HORMAD2: variants seen among roughly 807,000 people sequenced by gnomAD.
HORMAD2 encodes HORMA domain containing 2, also known as HORMA domain-containing protein 2.
A neutral mutation model predicts 38.8 loss-of-function variants in HORMAD2; 45 were observed. That is an observed-to-expected ratio of 1.16 (90% confidence interval 0.91 to 1.49). The LOEUF (loss-of-function observed/expected upper bound fraction) is 1.49, where lower values mean the gene tolerates loss of function less well. Among genes scored for constraint, HORMAD2 ranks in the 40% most tolerant of loss-of-function variants. The probability of loss-of-function intolerance (pLI) is 0.00; values close to 1 mark genes in which losing one functional copy is unlikely to be tolerated. For synonymous variants in HORMAD2, 126 were observed against 122.8 expected (o/e 1.03, Z -0.17); for missense variants, 338 against 367.0 (o/e 0.92, Z 0.65).
At chr22:30,129,785 T>C (rs1482166911) in intron 10 of HORMAD2, among the ~76,000 whole-genome samples, 1 of 152,124 alleles carries the variant, frequency 6.6e-6, no homozygotes, top group African/African-American at 2.4e-5. Context: ...CCTGAGATTA[T>C]AGGCATGTGT....
chr22:30,093,141 A>G (rs1181659985), intron 1 of HORMAD2, among the ~76,000 whole-genome samples: 2 of 152,144 alleles, frequency 1.3e-5, no homozygotes, highest in Non-Finnish European at 2.9e-5. Flanking sequence ...ATGCCTTTCC[A>G]TCTTTTTGTG....
At chr22:30,113,675 T>C (rs1921831709) in intron 7 of HORMAD2, among the ~76,000 whole-genome samples, 1 of 152,228 alleles carries the variant, frequency 6.6e-6, no homozygotes, top group Non-Finnish European at 1.5e-5. Context: ...TTACTCTCTT[T>C]GTCTTTCTCC....
chr22:30,129,217 C>CAAAAAAAAAAAAAAA, intron 10 of HORMAD2, among the ~76,000 whole-genome samples: 1 of 22,650 alleles, frequency 4.4e-5, no homozygotes, highest in East Asian at 2.0e-3. Flanking sequence ...GACTCTATCT[C>CAAAAAAAAAAAAAAA]AAAAAAAAAA....
chr22:30,161,496 A>G (rs1054754207), intron 10 of HORMAD2, among the ~76,000 whole-genome samples: 5 of 152,198 alleles, frequency 3.3e-5, no homozygotes, highest in African/African-American at 7.2e-5. Flanking sequence ...TCCTCTATTC[A>G]TGCCACAAAC....
chr22:30,187,402 CT>C, the HORMAD2 span, among the ~76,000 whole-genome samples: 6 of 152,162 alleles, frequency 3.9e-5, no homozygotes, highest in Middle Eastern at 3.4e-3. Context: ...AACCACCATG[CT>C]TTGCTATGAG....
At chr22:30,166,746 G>T (rs982341258) in intron 10 of HORMAD2, among the ~76,000 whole-genome samples, 1 of 152,194 alleles carries the variant, frequency 6.6e-6, no homozygotes, top group Non-Finnish European at 1.5e-5. Flanking sequence ...AAAATGTAGT[G>T]TGGATATTCA....
chr22:30,206,538 A>G, the HORMAD2 span, among the ~76,000 whole-genome samples: 1 of 152,134 alleles, frequency 6.6e-6, no homozygotes, highest in Non-Finnish European at 1.5e-5. Flanking sequence ...GTTAGGGTGC[A>G]GTGGTGCGAC....
chr22:30,135,621 A>G (rs554684698), intron 10 of HORMAD2, among the ~76,000 whole-genome samples: 1 of 152,256 alleles, frequency 6.6e-6, no homozygotes, highest in Admixed American at 6.5e-5. Flanking sequence ...CAACTTAACA[A>G]TTCCCAGAGC....
intron 2 of HORMAD2, 139 bp from the exon 3 acceptor site, chr22:30,098,713 C>T (rs920233667): frequency 1.8e-5 from 11 of 620,590 alleles, no homozygotes; most frequent in South Asian, 9.9e-5. Flanking sequence ...ATATTCAAAG[C>T]GCTATTTCTT....
intron 10 of HORMAD2, among the ~76,000 whole-genome samples, chr22:30,135,243 CT>C (rs1456603610): frequency 6.6e-6 from 1 of 151,996 alleles, no homozygotes; most frequent in Admixed American, 6.6e-5. Flanking sequence ...CTGTAAACAA[CT>C]AGAAAACTGG....
intron 10 of HORMAD2, among the ~76,000 whole-genome samples, chr22:30,155,652 C>T (rs1925024576): frequency 6.6e-6 from 1 of 150,414 alleles, no homozygotes; most frequent in African/African-American, 2.5e-5. Flanking sequence ...TATGTATGTA[C>T]ACAACACACA....
upstream of HORMAD2, among the ~76,000 whole-genome samples, chr22:30,078,928 C>T (rs1484607689): frequency 1.3e-5 from 2 of 149,120 alleles, no homozygotes; most frequent in Non-Finnish European, 3.0e-5. Flanking sequence ...AGGGTGAACG[C>T]AGTAGTTCTC....
intron 8 of HORMAD2, 105 bp downstream of exon 8, chr22:30,119,152 A>G: frequency 1.4e-6 from 1 of 712,658 alleles, no homozygotes; most frequent in Non-Finnish European, 2.4e-6. Flanking sequence ...ACATTTCCCC[A>G]CAAACCCTAC....
intron 10 of HORMAD2, among the ~76,000 whole-genome samples, chr22:30,148,598 T>G (rs1478652334): frequency 1.3e-5 from 2 of 152,172 alleles, no homozygotes; most frequent in Non-Finnish European, 2.9e-5. Context: ...ATCAGCAAAG[T>G]CCTATTGATA....
rs1299469347 is a variant in HORMAD2, at chr22:30,119,065, A to G, written c.410+18A>G. On this transcript the variant is annotated intron_variant, in intron 8 of 10. Coordinates refer to ENST00000336726, the MANE Select transcript of HORMAD2 (RefSeq NM_152510.4). ...TTTGACAGGTAGAATCTAACTGCTT[A>G]ATGAACATGAGAAATAAATAGGATT... 2.6e-6 allele frequency: 4 copies of G among 1,510,908 alleles called. No individual in the cohort carries two copies. In the South Asian group the frequency reaches 3.6e-5, roughly 14 times the overall value. The allele number at this position is 1,510,908 out of a possible 1,614,324, so 93.6% of individuals were successfully genotyped here.
intron 10 of HORMAD2, among the ~76,000 whole-genome samples, chr22:30,142,957 T>C (rs959703711): frequency 3.3e-5 from 5 of 152,190 alleles, no homozygotes; most frequent in African/African-American, 1.2e-4. Context: ...TAGTCTCTTT[T>C]GTCCCTTTTT....
intron 5 of HORMAD2, among the ~76,000 whole-genome samples, chr22:30,109,004 C>A (rs1413664031): frequency 2.0e-5 from 3 of 146,820 alleles, no homozygotes; most frequent in Non-Finnish European, 4.5e-5. Flanking sequence ...TCTTTCCTTT[C>A]CTCCTTCCCT....
At chr22:30,203,107 C>A in the HORMAD2 span, among the ~76,000 whole-genome samples, 2 of 152,114 alleles carry the variant, frequency 1.3e-5, no homozygotes, top group Non-Finnish European at 2.9e-5. Flanking sequence ...GACAAATACA[C>A]TATTTAAAAG....
chr22:30,185,919 G>A, the HORMAD2 span, among the ~76,000 whole-genome samples: 2 of 151,472 alleles, frequency 1.3e-5, no homozygotes, highest in African/African-American at 4.8e-5. Context: ...TTATATAAAG[G>A]TCATAATACT....
Sources: allele counts gnomAD v4.1 joint callset (sites outside exome capture counted in the v4.1 genomes callset), GRCh38; gene constraint gnomAD v4.1.1; transcripts MANE v1.5; gene names NCBI Gene and HGNC (gene_info 2026-07-23, HGNC 2026-07-21).